Variants in LRP1B observed in about 807,000 individuals in gnomAD.
LRP1B encodes LDL receptor related protein 1B, also known as low-density lipoprotein receptor-related protein 1B.
A neutral mutation model predicts 556.6 loss-of-function variants in LRP1B; 217 were observed. The ratio of observed to expected loss-of-function variants is 0.39; its 90% CI spans 0.35 to 0.44. The LOEUF (loss-of-function observed/expected upper bound fraction) is 0.44. LRP1B is among the 20% of genes least tolerant of loss of function. LRP1B has a pLI of 1.00. For missense variants in LRP1B, 5,053 were observed against 5,620.8 expected (o/e 0.90, Z 3.23); for synonymous variants, 2,047 against 1,865.8 (o/e 1.10, Z -2.50).
At chr2:141,702,808 G>A (rs552337255) in intron 2 of LRP1B, among the ~76,000 whole-genome samples, 15 of 151,982 alleles carry the variant, frequency 9.9e-5, no homozygotes, top group East Asian at 1.9e-4. Flanking sequence ...GACTATAAAC[G>A]GAGTGATGTA....
chr2:141,809,460 G>T (rs748313533), intron 2 of LRP1B, among the ~76,000 whole-genome samples: 1 of 151,924 alleles, frequency 6.6e-6, no homozygotes, highest in African/African-American at 2.4e-5. Context: ...TGCCTGAAGA[G>T]CACAGGTTGA....
At chr2:142,094,658 G>C (rs2104956632) in intron 1 of LRP1B, among the ~76,000 whole-genome samples, 1 of 151,962 alleles carries the variant, frequency 6.6e-6, no homozygotes, top group East Asian at 1.9e-4. Context: ...GCTTAAAAAT[G>C]ACTTTCTGTC....
intron 2 of LRP1B, among the ~76,000 whole-genome samples, chr2:141,716,947 T>C (rs1385326207): frequency 9.7e-6 from 1 of 103,332 alleles, no homozygotes; most frequent in Non-Finnish European, 1.9e-5. Context: ...CCCTCTGTAT[T>C]TTCTCCCCCA....
At chr2:141,797,165 A>ATATATC (rs1695846260) in intron 2 of LRP1B, among the ~76,000 whole-genome samples, 1 of 87,298 alleles carries the variant, frequency 1.1e-5, no homozygotes, top group Non-Finnish European at 2.6e-5. Context: ...ATATATATAT[A>ATATATC]TATATATATA....
intron 3 of LRP1B, among the ~76,000 whole-genome samples, chr2:141,298,856 A>C (rs1334598551): frequency 6.6e-6 from 1 of 151,788 alleles, no homozygotes; most frequent in African/African-American, 2.4e-5. Flanking sequence ...TGGGAGGCTG[A>C]AGCAGGAGAA....
chr2:141,765,129 C>T (rs1480543289), intron 2 of LRP1B, among the ~76,000 whole-genome samples: 3 of 146,112 alleles, frequency 2.1e-5, no homozygotes, highest in African/African-American at 7.4e-5. Context: ...AAAGAATTCG[C>T]AAGTAGGTTT....
At position 141,334,425 on chromosome 2, in the gene LRP1B, G is replaced by A. The variant is rs545959019; in HGVS notation, c.344-79784C>T. Among the ~76,000 whole-genome samples the A allele has an allele frequency of 1.3e-4, 20 of 152,356 alleles. 1 individual carries two copies. The highest frequency in any genetic ancestry group is 3.9e-4 in the East Asian group (2 of 5,192). ...TCTGCCATGAGCTAAAGCTCCCTGC[G>A]GCCTTACAGCCATGCTTCCTGTACA... On this transcript the variant is annotated intron_variant, in intron 3 of 90. Coordinates refer to ENST00000389484, the MANE Select transcript of LRP1B (RefSeq NM_018557.3).
At chr2:141,313,921 A>G (rs1351612493) in intron 3 of LRP1B, among the ~76,000 whole-genome samples, 1 of 128,190 alleles carries the variant, frequency 7.8e-6, no homozygotes, top group Non-Finnish European at 1.7e-5. Flanking sequence ...TTTCCTCTTT[A>G]TTGTCTCTCC....
chr2:141,263,731 A>G (rs1198689131), intron 3 of LRP1B, among the ~76,000 whole-genome samples: 1 of 152,194 alleles, frequency 6.6e-6, no homozygotes, highest in East Asian at 1.9e-4. Context: ...TTCCTTATGA[A>G]TATAGATGTG....
Position 141,005,402 on chromosome 2 carries a change from G to A in LRP1B, c.2436C>T (p.Ile812=), listed in dbSNP as rs2105373809. 3 of 1,611,500 alleles carry A rather than the reference G, an allele frequency of 1.9e-6. No individual in the cohort carries two copies. Among genetic ancestry groups the A allele is most frequent in the Non-Finnish European group, 1.7e-6 (2 of 1,178,314 alleles). Residue 812 remains isoleucine (I), a synonymous_variant, in exon 15 of 91, where the codon ATC becomes ATT. Coordinates refer to ENST00000389484, the MANE Select transcript of LRP1B (RefSeq NM_018557.3). ...NGGCSTLCLA[I]PGGRVCACAD... The stretch of plus-strand genomic sequence containing the variant: ...CACAAGCACACACCCGGCCTCCTGG[G>A]ATAGCCAAGCAAAGTGTACTACAGC...
At chr2:141,385,939 A>T (rs1689820401) in intron 3 of LRP1B, among the ~76,000 whole-genome samples, 1 of 152,098 alleles carries the variant, frequency 6.6e-6, no homozygotes, top group Admixed American at 6.6e-5. Context: ...TTTTACTGTT[A>T]AGTAATTATG....
intron 3 of LRP1B, among the ~76,000 whole-genome samples, chr2:141,269,866 T>C (rs1685023317): frequency 6.6e-6 from 1 of 152,032 alleles, no homozygotes; most frequent in African/African-American, 2.4e-5. Context: ...CTATTATAAA[T>C]ACATTTAAAA....
At chr2:141,936,394 T>C (rs1254932237) in intron 1 of LRP1B, among the ~76,000 whole-genome samples, 2 of 152,170 alleles carry the variant, frequency 1.3e-5, no homozygotes, top group African/African-American at 2.4e-5. Context: ...TAAAAATATG[T>C]ATACAAAAAT....
chr2:140,305,450 CTCTG>C (rs1409367573), intron 83 of LRP1B, among the ~76,000 whole-genome samples: 10 of 151,824 alleles, frequency 6.6e-5, no homozygotes, highest in South Asian at 2.1e-4. Context: ...TGATTTGGCT[CTCTG>C]TCTGTTATTG....
In LRP1B at chr2:140,626,614, G is replaced by T. The variant is rs148468465; in HGVS notation, c.6800-24975C>A. ...ATTTCAAAAGTAATTACAGATACAGGAATATCTTCCTGTATGCAAAGGAAA... is the reference window on the plus strand; with the variant it reads ...ATTTCAAAAGTAATTACAGATACAGTAATATCTTCCTGTATGCAAAGGAAA... On this transcript the variant is annotated intron_variant, in intron 41 of 90. Transcript: ENST00000389484. 1.5e-4 allele frequency among the ~76,000 whole-genome samples: 22 copies of T among 150,582 alleles called. No individual in the cohort carries two copies. The East Asian group carries it at 4.3e-3, about 29-fold the overall frequency.
At chr2:141,912,369 C>A (rs1435604) in intron 1 of LRP1B, among the ~76,000 whole-genome samples, 1 of 152,014 alleles carries the variant, frequency 6.6e-6, no homozygotes, top group Non-Finnish European at 1.5e-5. Context: ...AGTATTCTTT[C>A]TTGGCATTTA....
chr2:140,607,871 C>A (rs1682927726), intron 41 of LRP1B, among the ~76,000 whole-genome samples: 1 of 151,928 alleles, frequency 6.6e-6, no homozygotes, highest in South Asian at 2.1e-4. Flanking sequence ...TTTTTCTAAC[C>A]ATTCAATCGA....
At chr2:140,344,878 C>T (rs1222333301) in intron 77 of LRP1B, among the ~76,000 whole-genome samples, 1 of 151,272 alleles carries the variant, frequency 6.6e-6, no homozygotes, top group Non-Finnish European at 1.5e-5. Context: ...CAGGAGCAAG[C>T]AAAAGAGACT....
chr2:140,992,969 A>G (rs1033852959), intron 16 of LRP1B, among the ~76,000 whole-genome samples: 6 of 152,062 alleles, frequency 3.9e-5, no homozygotes, highest in Admixed American at 1.3e-4. Flanking sequence ...TTTATGTGTT[A>G]TGTATTAATA....
Sources: gnomAD v4.1 joint callset for allele counts (sites outside exome capture counted in the v4.1 genomes callset) on GRCh38, gnomAD v4.1.1 for gene constraint, MANE v1.5 for transcripts, NCBI Gene and HGNC (gene_info 2026-07-23, HGNC 2026-07-21) for gene names.